The following CCDC88A variants were observed in gnomAD, a reference collection of about 807,000 sequenced individuals.
CCDC88A encodes the protein girdin.
In CCDC88A, 54 loss-of-function variants were observed where a neutral mutation model predicts 234.3. The ratio of observed to expected loss-of-function variants is 0.23; its 90% CI spans 0.19 to 0.29. CCDC88A has a LOEUF of 0.29. CCDC88A is among the 10% of genes least tolerant of loss of function. CCDC88A has a pLI of 1.00. For synonymous variants in CCDC88A, 753 were observed against 737.8 expected (o/e 1.02, Z -0.33); for missense variants, 1,832 against 2,123.4 (o/e 0.86, Z 2.70).
At chr2:55,393,005 C>G (rs1476905654) in intron 2 of CCDC88A, among the ~76,000 whole-genome samples, 1 of 152,030 alleles carries the variant, frequency 6.6e-6, no homozygotes, top group African/African-American at 2.4e-5. Flanking sequence ...ATTAATCGAA[C>G]ATAGTGATCT....
chr2:55,381,922 G>C (rs1054820124), intron 3 of CCDC88A, among the ~76,000 whole-genome samples: 1 of 152,078 alleles, frequency 6.6e-6, no homozygotes, highest in Non-Finnish European at 1.5e-5. Flanking sequence ...TTTGAGACTC[G>C]TATAATCTAC....
At chr2:55,344,096 G>T (rs759395050) in intron 11 of CCDC88A, 2 of 358,486 alleles carry the variant, frequency 5.6e-6, no homozygotes, top group Non-Finnish European at 9.9e-6. Context: ...TCAGATTTCT[G>T]TATTTTTAAA....
intron 9 of CCDC88A, among the ~76,000 whole-genome samples, chr2:55,346,838 C>G (rs367557815): frequency 6.6e-6 from 1 of 151,814 alleles, no homozygotes; most frequent in Non-Finnish European, 1.5e-5. Context: ...TTTCCATTAT[C>G]GTGGATATGT....
At chr2:55,411,576 C>A (rs928522942) in intron 2 of CCDC88A, among the ~76,000 whole-genome samples, 1 of 151,554 alleles carries the variant, frequency 6.6e-6, no homozygotes, top group Non-Finnish European at 1.5e-5. Context: ...GTCAGGAGTT[C>A]GAAACCAGCC....
Position 55,309,183 on chromosome 2 carries a change from T to C in CCDC88A, c.4151A>G (p.Tyr1384Cys), listed in dbSNP as rs1383379240. 1 of 1,562,464 alleles carries C rather than the reference T, an allele frequency of 6.4e-7. No individual in the cohort carries two copies. The highest frequency in any genetic ancestry group is 8.8e-7 in the Non-Finnish European group (1 of 1,140,342). Residue 1384 changes from tyrosine to cysteine, a missense_variant, in exon 24 of 33, where the codon TAT becomes TGT. Around this residue, in one of 6 missense-constraint regions of CCDC88A, gnomAD observed 1,282 missense variants for 1,543.6 expected, o/e 0.83. Coordinates refer to ENST00000436346, the MANE Select transcript of CCDC88A (RefSeq NM_001365480.1). This position sits in a 1 kb window ranked among gnomAD's most constrained non-coding sequence, Gnocchi z 5.1. ...GTACCTTCTAGGAGGAGATGGGTCA[T>C]AAAATTTGTATTGATCCATAATTTT... ...EEKIMDQYKF[Y>C]DPSPPRRRGN...
chr2:55,295,812 C>T lies in CCDC88A; in HGVS notation c.5336G>A (p.Gly1779Glu). ...AGATTCTTTTACTAATTTTATTTTT[C>T]CTTGAGTGCCTGGTGTAGGTTTTCC... ...SAGKPTPGTQ[G>E]KIKLVKESSL... Residue 1779 changes from glycine (G) to glutamate (E), a missense_variant, in exon 31 of 33, where the codon GGA becomes GAA. Physicochemically the swap from Gly to Glu is moderately conservative, Grantham distance 98. Around this residue, in one of 6 missense-constraint regions of CCDC88A, gnomAD observed 422 missense variants for 416.5 expected, o/e 1.01. Transcript: ENST00000436346. 1 of 1,614,034 alleles carries T rather than the reference C, an allele frequency of 6.2e-7. No homozygotes were observed. The highest frequency in any genetic ancestry group is 8.5e-7 in the Non-Finnish European group (1 of 1,180,000).
intron 12 of CCDC88A, among the ~76,000 whole-genome samples, chr2:55,342,168 GTTCTGAAACAAATT>G (rs1187229044): frequency 1.3e-5 from 2 of 152,048 alleles, no homozygotes; most frequent in African/African-American, 2.4e-5. Context: ...AGATAGAAAA[GTTCTGAAACAAATT>G]TTCTGAAATG....
In CCDC88A at chr2:55,288,094, T is replaced by G. The variant is rs908709609; in HGVS notation, c.*3106A>C. ...AGGAAATGTTACAGCTTTTATATTATTTGATTTGGTATTTAATAACAGTTA... is the reference window on the plus strand; with the variant it reads ...AGGAAATGTTACAGCTTTTATATTAGTTGATTTGGTATTTAATAACAGTTA... On this transcript the variant is annotated 3_prime_UTR_variant, in exon 33 of 33. Coordinates refer to ENST00000436346, the MANE Select transcript of CCDC88A (RefSeq NM_001365480.1). 2 of 152,644 alleles carry G rather than the reference T, an allele frequency of 1.3e-5. No individual in the cohort carries two copies. The highest frequency in any genetic ancestry group is 4.8e-5 in the African/African-American group (2 of 41,458). 9.5% of individuals were successfully genotyped at this position (152,644 alleles called of 1,614,324 possible). A position where few individuals can be genotyped will look rare whatever the true frequency, so the allele number is the denominator to read the frequency against.
intron 8 of CCDC88A, among the ~76,000 whole-genome samples, chr2:55,354,779 C>G (rs181869491): frequency 0.014 from 2,109 of 151,682 alleles, 26 homozygotes; most frequent in Middle Eastern, 0.027. Context: ...GTTGGCCAGA[C>G]CGGTCTTGAA....
At chr2:55,306,652 ATTG>A in intron 25 of CCDC88A, among the ~76,000 whole-genome samples, 1 of 152,088 alleles carries the variant, frequency 6.6e-6, no homozygotes, top group South Asian at 2.1e-4. Flanking sequence ...GTGGTGCAAT[ATTG>A]GCTTACTGCT....
At position 55,317,321 on chromosome 2, in the gene CCDC88A, G is replaced by T; in HGVS notation, c.3631C>A (p.Gln1211Lys). ...RYNQLLKQKG[Q>K]LEDLEKMLKV... ...AGCATTTTTTCCAAATCTTCCAACT[G>T]TCCTTTCTGTTTTAATAACTGATTG... Residue 1211 changes from glutamine to lysine, a missense_variant, in exon 21 of 33, where the codon CAG becomes AAG. By Grantham distance (53) the Gln-to-Lys change is moderately conservative. Coordinates refer to ENST00000436346, the MANE Select transcript of CCDC88A (RefSeq NM_001365480.1). This position sits in a 1 kb window ranked among gnomAD's most constrained non-coding sequence, Gnocchi z 4.2. 2.0e-6 allele frequency: 3 copies of T among 1,524,496 alleles called. No individual in the cohort carries two copies. The highest frequency in any genetic ancestry group is 1.8e-6 in the Non-Finnish European group (2 of 1,132,140). The allele number at this position is 1,524,496 out of a possible 1,614,324, so 94.4% of individuals were successfully genotyped here.
chr2:55,390,053 A>AAAAAAAAAAAAAAAAAAAAAACAAAAG (rs377022377), intron 2 of CCDC88A, among the ~76,000 whole-genome samples: 1 of 79,770 alleles, frequency 1.3e-5, no homozygotes, highest in Non-Finnish European at 2.3e-5. Flanking sequence ...AAAAAAATAA[A>AAAAAAAAAAAAAAAAAAAAAACAAAAG]AAATAAAGAT....
At chr2:55,397,028 C>T (rs1445427908) in intron 2 of CCDC88A, among the ~76,000 whole-genome samples, 1 of 151,980 alleles carries the variant, frequency 6.6e-6, no homozygotes, top group East Asian at 1.9e-4. Flanking sequence ...TTCCCTCCTC[C>T]AGTTCACTGT....
At chr2:55,379,707 C>A (rs1674266462) in intron 3 of CCDC88A, among the ~76,000 whole-genome samples, 1 of 152,022 alleles carries the variant, frequency 6.6e-6, no homozygotes, top group South Asian at 2.1e-4. Context: ...GTGGGTGGAT[C>A]ACCTGAGACC....
intron 25 of CCDC88A, among the ~76,000 whole-genome samples, chr2:55,303,375 T>C (rs1681120530): frequency 1.3e-5 from 2 of 151,566 alleles, no homozygotes; most frequent in Non-Finnish European, 2.9e-5. Context: ...CTGAAGACAA[T>C]GATGAGGAAC....
chr2:55,337,011 G>A (rs1446838628), intron 13 of CCDC88A, 193 bp from the exon 14 acceptor site: 1 of 425,810 alleles, frequency 2.3e-6, no homozygotes, highest in African/African-American at 2.1e-5. Context: ...ATGCAGACAT[G>A]ATTTCTTATC....
chr2:55,294,886 T>G (rs1255952915), intron 31 of CCDC88A: 2 of 1,062,478 alleles, frequency 1.9e-6, no homozygotes, highest in East Asian at 1.6e-4. Flanking sequence ...GGTTTTGGTG[T>G]GGTTACACAT....
At chr2:55,379,868 G>C (rs535977496) in intron 3 of CCDC88A, among the ~76,000 whole-genome samples, 6 of 152,018 alleles carry the variant, frequency 3.9e-5, no homozygotes, top group African/African-American at 1.2e-4. Context: ...AGCCAAGATT[G>C]TGCCATCGCA....
Position 55,346,790 on chromosome 2 carries a change from T to C in CCDC88A, c.883-457A>G, listed in dbSNP as rs532096891. 2.6e-5 allele frequency among the ~76,000 whole-genome samples: 4 copies of C among 152,288 alleles called. No individual in the cohort carries two copies. In the East Asian group the frequency reaches 5.8e-4, roughly 22 times the overall value. ...TGAATTTTATGGTATGTAAATTATATCTAAATTTGTTTTTTAAATGGGGAG... is the reference window on the plus strand; with the variant it reads ...TGAATTTTATGGTATGTAAATTATACCTAAATTTGTTTTTTAAATGGGGAG... On this transcript the variant is annotated intron_variant, in intron 9 of 32. Transcript: ENST00000436346.
Sources: allele counts gnomAD v4.1 joint callset (sites outside exome capture counted in the v4.1 genomes callset), GRCh38; gene constraint gnomAD v4.1.1; regional missense constraint gnomAD v4.1.1; non-coding constraint Gnocchi (gnomAD v3.1); transcripts MANE v1.5; gene names NCBI Gene and HGNC (gene_info 2026-07-23, HGNC 2026-07-21).